HEXD: variants seen among roughly 807,000 people sequenced by gnomAD.
The protein encoded by HEXD is N-acetyl-beta-galactosaminidase.
A neutral mutation model predicts 54.2 loss-of-function variants in HEXD; 47 were observed. That is an observed-to-expected ratio of 0.87 (90% CI 0.69 to 1.11). The LOEUF (loss-of-function observed/expected upper bound fraction) is 1.11, where lower values mean the gene tolerates loss of function less well. Among genes scored for constraint, HEXD ranks in the 50% least tolerant of loss-of-function variants. HEXD has a pLI of 0.00. For synonymous variants in HEXD, 293 were observed against 287.6 expected (o/e 1.02, Z -0.19); for missense variants, 576 against 649.2 (o/e 0.89, Z 1.23).
chr17:82,425,273 G>A (rs752074377), intron 3 of HEXD, among the ~76,000 whole-genome samples: 2 of 150,186 alleles, frequency 1.3e-5, no homozygotes, highest in Non-Finnish European at 3.0e-5. Context: ...GGAGAAGGCT[G>A]GGCTAGAGGT....
chr17:82,440,384 C>G (rs2053898176), intron 9 of HEXD: 4 of 1,111,850 alleles, frequency 3.6e-6, no homozygotes, highest in Non-Finnish European at 4.6e-6. Context: ...TGCTGACTCT[C>G]AACTGCTTAG....
In HEXD at chr17:82,418,604, C is replaced by G; in HGVS notation, c.-188C>G. On this transcript the variant is annotated 5_prime_UTR_variant, in exon 1 of 13. In the 5' UTR this introduces an upstream ATG that the reference lacks. Transcript: ENST00000327949. ...ACGCGAGTGCGACGCGCTCGGCCAT[C>G]GGCCCCTGGGCTGGCGGCCAGGCCC... 2.4e-6 allele frequency: 1 copy of G among 418,164 alleles called. No individual in the cohort carries two copies. The highest frequency in any genetic ancestry group is 3.7e-6 in the Non-Finnish European group (1 of 268,006). 25.9% of individuals were successfully genotyped at this position (418,164 alleles called of 1,614,324 possible).
chr17:82,435,901 G>A (rs2053747966), intron 6 of HEXD, 29 bp downstream of exon 6: 1 of 1,589,592 alleles, frequency 6.3e-7, no homozygotes, highest in Non-Finnish European at 8.5e-7. Context: ...GGGAGGGGGT[G>A]GGCCACTGAA....
intron 9 of HEXD, chr17:82,440,117 G>A (rs760707038): frequency 7.7e-7 from 1 of 1,295,602 alleles, no homozygotes; most frequent in South Asian, 1.2e-5. Flanking sequence ...ACACTTCCAG[G>A]TCTCCTGAGG....
rs752849603 is a variant in HEXD at position 82,441,854 on chromosome 17, G to A, written c.1218G>A (p.Pro406=). 38 of 1,613,130 alleles carry A rather than the reference G, an allele frequency of 2.4e-5. No homozygotes were observed. Among genetic ancestry groups the A allele is most frequent in the East Asian group, 4.5e-5 (2 of 44,894 alleles). The change falls in exon 12 of 13, where the codon CCG becomes CCA. Residue 406 remains proline (P), a synonymous_variant. Coordinates refer to ENST00000327949, the MANE Select transcript of HEXD (RefSeq NM_001330542.2). ...ACCGCCAGCGGAAGCTCATCCACCC[G>A]GTCATGGTTCAGCACATCCAGCCCG... ...PYHRQRKLIH[P]VMVQHIQPAA...
intron 3 of HEXD, 102 bp downstream of exon 3, chr17:82,424,605 G>C (rs2053343234): frequency 2.7e-6 from 2 of 735,222 alleles, no homozygotes; most frequent in Non-Finnish European, 4.8e-6. Flanking sequence ...GGGTGGCACA[G>C]TCAGGAACTG....
In HEXD at chr17:82,435,783, T is replaced by C; in HGVS notation, c.542T>C (p.Val181Ala). 6.2e-7 allele frequency: 1 copy of C among 1,612,798 alleles called. No individual in the cohort carries two copies. Among genetic ancestry groups the C allele is most frequent in the African/African-American group, 1.3e-5 (1 of 75,018 alleles). Residue 181 changes from valine (V) to alanine (A), a missense_variant, in exon 6 of 13, where the codon GTG (valine) becomes GCG (alanine). By Grantham distance (64) the Val-to-Ala change is moderately conservative. Transcript: ENST00000327949. ...GKLCLSHMRA[V>A]ASGVKARRPS... Reference sequence around the variant, plus strand: ...TTGTGCCTGTCACACATGCGGGCGGTGGCCAGCGGCGTGAAGGCCCGGCGC... The same window carrying C: ...TTGTGCCTGTCACACATGCGGGCGGCGGCCAGCGGCGTGAAGGCCCGGCGC...
chr17:82,423,063 AAAAAAG>A (rs935681621), intron 2 of HEXD, among the ~76,000 whole-genome samples: 4 of 152,068 alleles, frequency 2.6e-5, no homozygotes, highest in Non-Finnish European at 5.9e-5. Flanking sequence ...ATCTCAAAAA[AAAAAAG>A]AAAGGAAAGG....
intron 3 of HEXD, among the ~76,000 whole-genome samples, chr17:82,427,583 G>A (rs2053453468): frequency 6.6e-6 from 1 of 152,116 alleles, no homozygotes; most frequent in African/African-American, 2.4e-5. Flanking sequence ...ACATGATCAG[G>A]GGTTTGCATT....
At chr17:82,440,319 G>A in intron 9 of HEXD, 1 of 1,253,576 alleles carries the variant, frequency 8.0e-7, no homozygotes, top group South Asian at 1.3e-5. Flanking sequence ...GCGGCCCAGG[G>A]ACGGGGACGC....
At position 82,442,501 on chromosome 17, in the gene HEXD, GC is replaced by G. The variant is rs1011966630; in HGVS notation, c.*120del. 1.9e-6 allele frequency: 3 copies of G among 1,597,978 alleles called. No individual in the cohort carries two copies. The highest frequency in any genetic ancestry group is 2.6e-6 in the Non-Finnish European group (3 of 1,167,218). On this transcript the variant is annotated 3_prime_UTR_variant, in exon 13 of 13. Coordinates refer to ENST00000327949, the MANE Select transcript of HEXD (RefSeq NM_001330542.2). The surrounding 1 kb of genome is among the most constrained non-coding windows in gnomAD (Gnocchi z 6.8). ...GTGCCCTCTGGCCCAGCAGTGTCTT[GC>G]CCACACTCAGTTCCTGAGGGCCCTG...
chr17:82,441,531 T>C (rs1019607271), intron 11 of HEXD, among the ~76,000 whole-genome samples: 1 of 104,734 alleles, frequency 9.5e-6, no homozygotes, highest in Non-Finnish European at 1.9e-5. Context: ...GAGGGGCAGG[T>C]GTGGGTAAGC....
Position 82,418,460 on chromosome 17 carries a change from G to T in HEXD, c.-332G>T. On this transcript the variant is annotated 5_prime_UTR_variant, in exon 1 of 13. Coordinates refer to ENST00000327949, the MANE Select transcript of HEXD (RefSeq NM_001330542.2). ...CGCTCCGTTGCCCTCGGGCGCCTTGGTTGCGGCCCTCCGCTGAGGAGCCAT... is the reference window on the plus strand; with the variant it reads ...CGCTCCGTTGCCCTCGGGCGCCTTGTTTGCGGCCCTCCGCTGAGGAGCCAT... The T allele has an allele frequency of 6.8e-7, 1 of 1,474,938 alleles. No individual in the cohort carries two copies. The highest frequency in any genetic ancestry group is 8.9e-7 in the Non-Finnish European group (1 of 1,118,828). The allele number at this position is 1,474,938 out of a possible 1,614,324, so 91.4% of individuals were successfully genotyped here. A position where few individuals can be genotyped will look rare whatever the true frequency, so the allele number is the denominator to read the frequency against.
intron 9 of HEXD, chr17:82,440,382 C>A: frequency 9.0e-7 from 1 of 1,114,166 alleles, no homozygotes. Flanking sequence ...GTTGCTGACT[C>A]TCAACTGCTT....
Position 82,418,362 on chromosome 17 carries a change from A to G in HEXD, c.-430A>G, listed in dbSNP as rs1336360764. Reference sequence around the variant, plus strand: ...CATCAGCCCCAGTCCCGCCCACTCCATGGCCCTGTCCGCCGCCGCAGCGCG... The same window carrying G: ...CATCAGCCCCAGTCCCGCCCACTCCGTGGCCCTGTCCGCCGCCGCAGCGCG... On this transcript the variant is annotated 5_prime_UTR_variant, in exon 1 of 13. The change abolishes an upstream ATG in the 5' untranslated region. Coordinates refer to ENST00000327949, the MANE Select transcript of HEXD (RefSeq NM_001330542.2). The G allele has an allele frequency of 8.3e-6, 9 of 1,082,956 alleles. No individual in the cohort carries two copies. Among genetic ancestry groups the G allele is most frequent in the Non-Finnish European group, 1.1e-5 (9 of 823,392 alleles). 67.1% of individuals were successfully genotyped at this position (1,082,956 alleles called of 1,614,324 possible).
At chr17:82,435,626 C>T in intron 5 of HEXD, 63 bp from the exon 6 acceptor site, 7 of 1,527,366 alleles carry the variant, frequency 4.6e-6, no homozygotes, top group Non-Finnish European at 6.3e-6. Flanking sequence ...CGGCGTGAAC[C>T]CCGGACCCTC....
At chr17:82,435,388 T>G (rs2053730920) in intron 5 of HEXD, among the ~76,000 whole-genome samples, 1 of 152,202 alleles carries the variant, frequency 6.6e-6, no homozygotes, top group Non-Finnish European at 1.5e-5. Flanking sequence ...CCGAGCCGTG[T>G]TCATGGTGGG....
Position 82,419,671 on chromosome 17 carries a change from C to G in HEXD, c.-51-78C>G. The G allele has an allele frequency of 3.5e-6, 2 of 565,936 alleles. 1 individual carries two copies. The highest frequency in any genetic ancestry group is 5.0e-5 in the South Asian group (2 of 40,382). 35.1% of individuals were successfully genotyped at this position (565,936 alleles called of 1,614,324 possible). On this transcript the variant is annotated intron_variant, in intron 1 of 12. Coordinates refer to ENST00000327949, the MANE Select transcript of HEXD (RefSeq NM_001330542.2). ...CTATCAAAACTGGCCAGTATCAGAA[C>G]TGAAACTGAAAGTATAAGGAGAAAG...
At position 82,436,540 on chromosome 17, in the gene HEXD, C is replaced by T. The variant is rs1047853039; in HGVS notation, c.632-127C>T. 48 of 727,344 alleles carry T rather than the reference C, an allele frequency of 6.6e-5. 1 individual carries two copies. Among genetic ancestry groups the T allele is most frequent in the South Asian group, 5.4e-4 (30 of 55,754 alleles). The allele number at this position is 727,344 out of a possible 1,614,324, so 45.1% of individuals were successfully genotyped here. On this transcript the variant is annotated intron_variant, in intron 6 of 12. Transcript: ENST00000327949. ...TGGCATTCATTGTCAAAACCCAGCA[C>T]GGTGCCAAGTCTGTCTTAAAAAGGT...
Sources: allele counts gnomAD v4.1 joint callset (sites outside exome capture counted in the v4.1 genomes callset), GRCh38; gene constraint gnomAD v4.1.1; non-coding constraint Gnocchi (gnomAD v3.1); transcripts MANE v1.5; gene names NCBI Gene and HGNC (gene_info 2026-07-23, HGNC 2026-07-21).